The following SDK2 variants were observed in gnomAD, a reference collection of about 807,000 sequenced individuals.
SDK2 encodes the protein sidekick cell adhesion molecule 2.
Under a neutral mutation model 253.9 loss-of-function variants are expected in SDK2, and 105 were observed. That is an observed-to-expected ratio of 0.41 (90% CI 0.35 to 0.49). SDK2 has a LOEUF of 0.49. Among genes scored for constraint, SDK2 ranks in the 20% least tolerant of loss-of-function variants. The pLI is 0.06. For missense variants in SDK2, 2,608 were observed against 3,003.0 expected, an observed-to-expected ratio of 0.87 and a Z score of 3.07; for synonymous variants, 1,249 against 1,234.9, an observed-to-expected ratio of 1.01 and a Z score of -0.24.
rs1013265065 is a variant in SDK2, at chr17:73,420,519, C to T, written c.2046-1213G>A. On this transcript the variant is annotated intron_variant, in intron 15 of 44. Coordinates refer to ENST00000392650, the MANE Select transcript of SDK2 (RefSeq NM_001144952.2). ...CTAATTTTTATATTTTTAGTAGAGA[C>T]GGGGTTTCATCATGTTGGCCAGGCT... 1.3e-4 allele frequency among the ~76,000 whole-genome samples: 20 copies of T among 151,640 alleles called. No homozygotes were observed. The East Asian group carries it at 2.0e-3, about 15-fold the overall frequency.
rs11361484 is a variant in SDK2, at chr17:73,371,957, TAA to T, written c.4981-3366_4981-3365del. Among the ~76,000 whole-genome samples, 987 of 143,662 alleles carry T rather than the reference TAA, an allele frequency of 6.9e-3. 3 individuals carry two copies. The highest frequency in any genetic ancestry group is 0.014 in the African/African-American group (537 of 39,082). The allele number at this position is 143,662 out of a possible 152,430, so 94.2% of individuals were successfully genotyped here. A position where few individuals can be genotyped will look rare whatever the true frequency, so the allele number is the denominator to read the frequency against. ...CCTGGGCAACGGAGCGAGAGTCCGTTAAAAAAAAAAAAAAGTGAGGTCAGGAA... is the reference window on the plus strand; with the variant it reads ...CCTGGGCAACGGAGCGAGAGTCCGTTAAAAAAAAAAAAGTGAGGTCAGGAA... On this transcript the variant is annotated intron_variant, in intron 36 of 44. Coordinates refer to ENST00000392650, the MANE Select transcript of SDK2 (RefSeq NM_001144952.2).
chr17:73,633,946 G>A (rs1384831651), intron 1 of SDK2, among the ~76,000 whole-genome samples: 1 of 152,152 alleles, frequency 6.6e-6, no homozygotes, highest in Non-Finnish European at 1.5e-5. Context: ...TTGGTGGAAG[G>A]CTGGCGTGGG....
chr17:73,547,280 G>C (rs779401026), intron 1 of SDK2, among the ~76,000 whole-genome samples: 1 of 152,240 alleles, frequency 6.6e-6, no homozygotes, highest in Non-Finnish European at 1.5e-5. Flanking sequence ...GATGGGAGAG[G>C]GGAGCCTAAA....
intron 1 of SDK2, among the ~76,000 whole-genome samples, chr17:73,508,163 T>C (rs1428628182): frequency 6.6e-6 from 1 of 152,262 alleles, no homozygotes; most frequent in Non-Finnish European, 1.5e-5. Context: ...GGAGCCAGCC[T>C]GCCTCTACCT....
chr17:73,364,078 G>T (rs1344532279), intron 38 of SDK2, among the ~76,000 whole-genome samples: 1 of 151,944 alleles, frequency 6.6e-6, no homozygotes. Flanking sequence ...GAGAGTGAGA[G>T]GGGTGGCTCC....
intron 1 of SDK2, 30 bp from the exon 2 acceptor site, chr17:73,507,627 T>C: frequency 6.5e-7 from 1 of 1,546,336 alleles, no homozygotes; most frequent in Non-Finnish European, 8.7e-7. Flanking sequence ...AAGCCACCAG[T>C]GATCACTTGC....
chr17:73,590,855 A>G (rs1488802520), intron 1 of SDK2, among the ~76,000 whole-genome samples: 1 of 152,220 alleles, frequency 6.6e-6, no homozygotes, highest in African/African-American at 2.4e-5. Context: ...GACTGCCACC[A>G]CCGGACTGTA....
At chr17:73,384,333 C>T (rs2062855433) in intron 32 of SDK2, among the ~76,000 whole-genome samples, 2 of 152,100 alleles carry the variant, frequency 1.3e-5, no homozygotes, top group South Asian at 2.1e-4. Flanking sequence ...AGCTGTTTTC[C>T]TAGAGCCGCT....
intron 1 of SDK2, among the ~76,000 whole-genome samples, chr17:73,585,597 T>C (rs368735499): frequency 6.6e-6 from 1 of 152,246 alleles, no homozygotes; most frequent in Middle Eastern, 3.4e-3. Context: ...GGCGGGGAAA[T>C]ACTGGCTAAA....
chr17:73,537,601 G>C (rs919500444), intron 1 of SDK2, among the ~76,000 whole-genome samples: 3 of 152,014 alleles, frequency 2.0e-5, no homozygotes, highest in African/African-American at 7.2e-5. Flanking sequence ...GAGGTTTGGG[G>C]GGATGAAGAG....
intron 1 of SDK2, among the ~76,000 whole-genome samples, chr17:73,619,166 C>CA (rs540815987): frequency 0.34 from 30,208 of 90,010 alleles, 3,677 homozygotes; most frequent in Non-Finnish European, 0.37. Context: ...GACCCTGTCT[C>CA]AAAAAAAAAA....
In SDK2 at chr17:73,395,648, T is replaced by A. The variant is rs779466361; in HGVS notation, c.3355-256A>T. 2.0e-5 allele frequency among the ~76,000 whole-genome samples: 3 copies of A among 152,218 alleles called. No homozygotes were observed. Among genetic ancestry groups the A allele is most frequent in the Non-Finnish European group, 4.4e-5 (3 of 68,028 alleles). On this transcript the variant is annotated intron_variant, in intron 24 of 44. Transcript: ENST00000392650. The surrounding 1 kb of genome is among the most constrained non-coding windows in gnomAD (Gnocchi z 4.3). ...CTTTATTGTGTATGTGACAAATCTA[T>A]TACCCTGCCAAGGGAGTCAGGAGCC...
At chr17:73,516,339 G>C (rs9905042) in intron 1 of SDK2, among the ~76,000 whole-genome samples, 1 of 152,202 alleles carries the variant, frequency 6.6e-6, no homozygotes, top group Non-Finnish European at 1.5e-5. Flanking sequence ...GGCCCTGTTC[G>C]GCCCCTGCCC....
rs566594508 is a variant in SDK2 at position 73,606,378 on chromosome 17, AG to A, written c.64+37646del. On this transcript the variant is annotated intron_variant, in intron 1 of 44. Coordinates refer to ENST00000392650, the MANE Select transcript of SDK2 (RefSeq NM_001144952.2). ...GGTGGTCTGCTGAGCCCCTCCTCTG[AG>A]GGGGGGCAGGGCAGGTGCTTATGGG... Among the ~76,000 whole-genome samples the A allele has an allele frequency of 1.1e-3, 168 of 151,672 alleles. 1 individual carries two copies. Among genetic ancestry groups the A allele is most frequent in the South Asian group, 3.0e-3 (14 of 4,728 alleles).
chr17:73,403,927 T>C, intron 18 of SDK2, among the ~76,000 whole-genome samples: 1 of 152,348 alleles, frequency 6.6e-6, no homozygotes, highest in South Asian at 2.1e-4. Context: ...TTAATGTACA[T>C]TCAAATTAAT....
intron 1 of SDK2, among the ~76,000 whole-genome samples, chr17:73,637,604 C>T (rs1029289210): frequency 4.6e-5 from 7 of 152,192 alleles, no homozygotes; most frequent in African/African-American, 1.7e-4. Context: ...GTCTCAAACT[C>T]CTGACCTCAG....
intron 12 of SDK2, among the ~76,000 whole-genome samples, chr17:73,429,572 C>G (rs910951903): frequency 6.6e-6 from 1 of 152,244 alleles, no homozygotes; most frequent in Non-Finnish European, 1.5e-5. Context: ...GATGGCGCCC[C>G]AGGACGCAGC....
chr17:73,400,037 T>C lies in SDK2; in HGVS notation c.2972-748A>G, dbSNP rs528939925. Among the ~76,000 whole-genome samples, 3 of 152,334 alleles carry C rather than the reference T, an allele frequency of 2.0e-5. No individual in the cohort carries two copies. In the East Asian group the frequency reaches 5.8e-4, roughly 29 times the overall value. On this transcript the variant is annotated intron_variant, in intron 21 of 44. Coordinates refer to ENST00000392650, the MANE Select transcript of SDK2 (RefSeq NM_001144952.2). Reference sequence around the variant, plus strand: ...AACACTACATACCTATTTGCCAGCATGGCTGTAATTATCACTGGGCTTTGG... The same window carrying C: ...AACACTACATACCTATTTGCCAGCACGGCTGTAATTATCACTGGGCTTTGG...
rs2063328578 is a variant in SDK2, at chr17:73,431,826, C to T, written c.1313-157G>A. Among the ~76,000 whole-genome samples the T allele has an allele frequency of 6.6e-6, 1 of 152,072 alleles. No individual in the cohort carries two copies. Among genetic ancestry groups the T allele is most frequent in the African/African-American group, 2.4e-5 (1 of 41,376 alleles). Reference sequence around the variant, plus strand: ...GATGGCGGTGGGGCTGGGGTGGGGGCTGAGAGACCTGGAGAGCTTTCTGGC... The same window carrying T: ...GATGGCGGTGGGGCTGGGGTGGGGGTTGAGAGACCTGGAGAGCTTTCTGGC... On this transcript the variant is annotated intron_variant, in intron 10 of 44. Coordinates refer to ENST00000392650, the MANE Select transcript of SDK2 (RefSeq NM_001144952.2). The surrounding 1 kb of genome is among the most constrained non-coding windows in gnomAD (Gnocchi z 5.6).
Sources: gnomAD v4.1 joint callset for allele counts (sites outside exome capture counted in the v4.1 genomes callset) on GRCh38, gnomAD v4.1.1 for gene constraint, Gnocchi (gnomAD v3.1) non-coding constraint, MANE v1.5 for transcripts, NCBI Gene and HGNC (gene_info 2026-07-23, HGNC 2026-07-21) for gene names.